ARL15: variants seen among roughly 807,000 people sequenced by gnomAD.
ARL15 encodes the protein ARF like GTPase 15.
ARL15 carries 19 observed loss-of-function variants against 25.2 expected under a neutral mutation model. That is an observed-to-expected ratio of 0.75 (90% confidence interval 0.53 to 1.10). The LOEUF is 1.10. Ranked by LOEUF, ARL15 falls within the 50% of genes least tolerant of loss-of-function variation. ARL15 has a pLI of 0.00. For missense variants in ARL15, 220 were observed against 246.0 expected, an observed-to-expected ratio of 0.89 and a Z score of 0.71; for synonymous variants, 94 against 86.8, an observed-to-expected ratio of 1.08 and a Z score of -0.46.
intron 4 of ARL15, among the ~76,000 whole-genome samples, chr5:54,014,790 T>C (rs1480531785): frequency 6.6e-6 from 1 of 152,034 alleles, no homozygotes; most frequent in Non-Finnish European, 1.5e-5. Context: ...CCTCCCATTC[T>C]TTTTTAACCT....
intron 4 of ARL15, among the ~76,000 whole-genome samples, chr5:54,038,023 AC>A (rs1750225960): frequency 6.6e-6 from 1 of 152,146 alleles, no homozygotes; most frequent in South Asian, 2.1e-4. Context: ...TGTCTAATCA[AC>A]ACCTTGAATT....
At chr5:53,955,989 G>A (rs569196599) in intron 4 of ARL15, among the ~76,000 whole-genome samples, 12 of 152,182 alleles carry the variant, frequency 7.9e-5, no homozygotes, top group Admixed American at 3.3e-4. Context: ...GGAGAGAGTT[G>A]TTGTTGTTGT....
intron 2 of ARL15, among the ~76,000 whole-genome samples, chr5:54,154,926 T>C (rs1457969206): frequency 6.6e-6 from 1 of 152,010 alleles, no homozygotes; most frequent in East Asian, 1.9e-4. Context: ...ATCAAGACCA[T>C]CCTGGGCAAC....
At chr5:54,275,788 T>C (rs1005633569) in intron 1 of ARL15, among the ~76,000 whole-genome samples, 2 of 151,556 alleles carry the variant, frequency 1.3e-5, no homozygotes, top group Non-Finnish European at 2.9e-5. Context: ...CGGTTCACGC[T>C]ATTCTCCTGC....
In ARL15 at chr5:53,947,167, GGTGTGTGTGTGTGTGT is replaced by G. The variant is rs3222349; in HGVS notation, c.463-60470_463-60455del. Among the ~76,000 whole-genome samples the G allele has an allele frequency of 9.4e-3, 1,166 of 123,678 alleles. 7 individuals carry two copies. The highest frequency in any genetic ancestry group is 0.024 in the African/African-American group (776 of 32,994). The allele number at this position is 123,678 out of a possible 152,430, so 81.1% of individuals were successfully genotyped here. A position where few individuals can be genotyped will look rare whatever the true frequency, so the allele number is the denominator to read the frequency against. On this transcript the variant is annotated intron_variant, in intron 4 of 4. Coordinates refer to ENST00000504924, the MANE Select transcript of ARL15 (RefSeq NM_019087.3). ...CTAGCCAAAGAGAAAAATAAATAAG[GGTGTGTGTGTGTGTGT>G]GTGTGTGTGTGTGTGTGTGTGTGTG...
intron 4 of ARL15, among the ~76,000 whole-genome samples, chr5:54,044,733 T>C (rs1377529202): frequency 6.6e-6 from 1 of 152,228 alleles, no homozygotes; most frequent in Non-Finnish European, 1.5e-5. Flanking sequence ...TGCCTTTAAA[T>C]ACTGGTCTAT....
chr5:54,005,107 C>A (rs1748982080), intron 4 of ARL15, among the ~76,000 whole-genome samples: 1 of 152,160 alleles, frequency 6.6e-6, no homozygotes, highest in Non-Finnish European at 1.5e-5. Context: ...CCGTTTCAGC[C>A]TCCCAAAGTA....
chr5:54,026,194 C>A (rs932107432), intron 4 of ARL15, among the ~76,000 whole-genome samples: 4 of 152,164 alleles, frequency 2.6e-5, no homozygotes, highest in Admixed American at 6.5e-5. Flanking sequence ...GAATAAAAAT[C>A]ATATTCTGCA....
chr5:53,938,658 TCTA>T (rs1746432293), intron 4 of ARL15, among the ~76,000 whole-genome samples: 2 of 152,156 alleles, frequency 1.3e-5, no homozygotes, highest in South Asian at 4.1e-4. Context: ...AAACCCTGTC[TCTA>T]CTAAAAATAT....
chr5:54,197,854 T>C (rs1229131338), intron 1 of ARL15, among the ~76,000 whole-genome samples: 3 of 152,112 alleles, frequency 2.0e-5, no homozygotes, highest in Non-Finnish European at 1.5e-5. Context: ...AAAAGAGAAT[T>C]TATACCAATA....
At chr5:54,231,877 C>T (rs1756680401) in intron 1 of ARL15, among the ~76,000 whole-genome samples, 4 of 151,996 alleles carry the variant, frequency 2.6e-5, no homozygotes, top group Admixed American at 2.6e-4. Context: ...CCATATAGAC[C>T]CTATCTCCAA....
chr5:54,185,484 A>C (rs1320753067), intron 1 of ARL15, among the ~76,000 whole-genome samples: 1 of 152,180 alleles, frequency 6.6e-6, no homozygotes, highest in East Asian at 1.9e-4. Context: ...GACTTAGAGC[A>C]CTTGAATGCA....
At chr5:53,983,214 A>G (rs1021215979) in intron 4 of ARL15, among the ~76,000 whole-genome samples, 1 of 152,172 alleles carries the variant, frequency 6.6e-6, no homozygotes, top group Non-Finnish European at 1.5e-5. Context: ...TGTTTATCCA[A>G]TTTCTAGATT....
chr5:53,921,446 T>G (rs1745858986), intron 4 of ARL15, among the ~76,000 whole-genome samples: 1 of 152,236 alleles, frequency 6.6e-6, no homozygotes, highest in African/African-American at 2.4e-5. Flanking sequence ...CCATTAATTA[T>G]GTGGAGAATA....
chr5:54,192,264 T>TAAAAA (rs572335482), intron 1 of ARL15, among the ~76,000 whole-genome samples: 1 of 141,984 alleles, frequency 7.0e-6, no homozygotes. Flanking sequence ...AAAGTATAAG[T>TAAAAA]AAAAAAAAAA....
At chr5:53,985,287 T>A (rs1649636002) in intron 4 of ARL15, among the ~76,000 whole-genome samples, 1 of 152,182 alleles carries the variant, frequency 6.6e-6, no homozygotes, top group Admixed American at 6.5e-5. Flanking sequence ...TCAGATTTTT[T>A]TAAAAAACTG....
At chr5:54,116,925 A>C (rs1000195585) in intron 3 of ARL15, among the ~76,000 whole-genome samples, 3 of 152,224 alleles carry the variant, frequency 2.0e-5, no homozygotes, top group Non-Finnish European at 4.4e-5. Context: ...AGGAGAAAAG[A>C]AATGGAACCC....
At chr5:54,090,096 C>T (rs900908193) in intron 4 of ARL15, among the ~76,000 whole-genome samples, 1 of 152,138 alleles carries the variant, frequency 6.6e-6, no homozygotes, top group African/African-American at 2.4e-5. Flanking sequence ...AATGGTTGTA[C>T]ATATACAAAT....
intron 1 of ARL15, among the ~76,000 whole-genome samples, chr5:54,262,282 C>G (rs952915931): frequency 1.3e-5 from 2 of 152,104 alleles, no homozygotes; most frequent in African/African-American, 4.8e-5. Flanking sequence ...TCTTAAGAAG[C>G]AGAATTGGGA....
Sources: allele counts gnomAD v4.1 joint callset (sites outside exome capture counted in the v4.1 genomes callset), GRCh38; gene constraint gnomAD v4.1.1; transcripts MANE v1.5; gene names NCBI Gene and HGNC (gene_info 2026-07-23, HGNC 2026-07-21).